The following ABCB4 variants were observed in gnomAD, a reference collection of about 807,000 sequenced individuals.
ABCB4 encodes the protein phosphatidylcholine translocator ABCB4.
Under a neutral mutation model 145.7 loss-of-function variants are expected in ABCB4, and 76 were observed. The observed-to-expected ratio is 0.52, with a 90% confidence interval of 0.43 to 0.63. The LOEUF (loss-of-function observed/expected upper bound fraction) is 0.63, where lower values mean the gene tolerates loss of function less well. Ranked by LOEUF, ABCB4 falls within the 30% of genes least tolerant of loss-of-function variation. The pLI is 0.00. For missense variants in ABCB4, 1,234 were observed against 1,553.1 expected (o/e 0.79, Z 3.45); for synonymous variants, 517 against 566.8 (o/e 0.91, Z 1.25).
intron 3 of ABCB4, among the ~76,000 whole-genome samples, chr7:87,471,350 A>T (rs959847108): frequency 3.3e-5 from 5 of 152,202 alleles, no homozygotes; most frequent in Non-Finnish European, 7.3e-5. Flanking sequence ...TGTACCCTAG[A>T]ACTTAAAGTA....
chr7:87,414,700 C>T (rs995988988), intron 21 of ABCB4, among the ~76,000 whole-genome samples: 3 of 152,154 alleles, frequency 2.0e-5, no homozygotes, highest in Admixed American at 6.5e-5. Context: ...CAGTTCTTAG[C>T]TTCTGCAATG....
chr7:87,403,234 ACCT>A lies in ABCB4; in HGVS notation c.3531_3533del (p.Gly1178del). ...GGGCAATAGCAATCCTCTGTTTTTG[ACCT>A]CCTGAGAGCTGAGTCCCCTTATCTC... On this transcript the variant is annotated inframe_deletion, in exon 27 of 28. Coordinates refer to ENST00000649586, the MANE Select transcript of ABCB4 (RefSeq NM_000443.4). The A allele has an allele frequency of 6.2e-7, 1 of 1,613,846 alleles. No homozygotes were observed. The highest frequency in any genetic ancestry group is 8.5e-7 in the Non-Finnish European group (1 of 1,179,912).
chr7:87,460,476 T>C (rs558031708), intron 4 of ABCB4, among the ~76,000 whole-genome samples: 2 of 152,210 alleles, frequency 1.3e-5, no homozygotes, highest in South Asian at 2.1e-4. Context: ...TGTCTATTGT[T>C]CTCATCTTTA....
chr7:87,451,656 A>C lies in ABCB4; in HGVS notation c.675T>G (p.Pro225=), dbSNP rs1239398137. 1.2e-6 allele frequency: 2 copies of C among 1,614,190 alleles called. No homozygotes were observed. The highest frequency in any genetic ancestry group is 1.7e-5 in the Admixed American group (1 of 60,016). The change falls in exon 7 of 28, where the codon CCT becomes CCG. Residue 225 remains proline (P), a synonymous_variant. Transcript: ENST00000649586. ...AAACGGCTGCAGAGAGTCCTAGAATAGGGCTGATGGCCATTATCACAAGGG... is the reference window on the plus strand; with the variant it reads ...AAACGGCTGCAGAGAGTCCTAGAATCGGGCTGATGGCCATTATCACAAGGG... ...KLTLVIMAIS[P]ILGLSAAVWA... is the part of the protein sequence containing the mutation.
At chr7:87,454,139 G>A (rs542894602) in intron 5 of ABCB4, among the ~76,000 whole-genome samples, 1 of 152,216 alleles carries the variant, frequency 6.6e-6, no homozygotes, top group East Asian at 1.9e-4. Context: ...GTTACAATCA[G>A]CAACACTGCT....
chr7:87,381,691 G>T, the ABCB4 span, among the ~76,000 whole-genome samples: 4 of 152,060 alleles, frequency 2.6e-5, no homozygotes, highest in African/African-American at 9.7e-5. Flanking sequence ...GCCCTACTAG[G>T]TGCTTCCAAA....
chr7:87,453,472 C>A (rs766567434), intron 5 of ABCB4, among the ~76,000 whole-genome samples: 17 of 152,092 alleles, frequency 1.1e-4, no homozygotes, highest in Admixed American at 2.0e-4. Flanking sequence ...CATGAGCCAC[C>A]ACCCCCACCC....
intron 25 of ABCB4, 122 bp from the exon 26 acceptor site, chr7:87,406,616 C>A (rs1463589398): frequency 9.8e-6 from 10 of 1,019,928 alleles, no homozygotes; most frequent in Non-Finnish European, 1.5e-5. Context: ...AAAACAACAA[C>A]CCTCCAAGAC....
chr7:87,382,648 C>T, the ABCB4 span: 1 of 1,162,938 alleles, frequency 8.6e-7, no homozygotes, highest in Non-Finnish European at 1.2e-6. Context: ...TCACTTTTTT[C>T]CCAGCTGGTA....
At position 87,408,232 on chromosome 7, in the gene ABCB4, A is replaced by G. The variant is rs768730681; in HGVS notation, c.3084T>C (p.Asp1028=). Residue 1028 remains aspartate, a splice_region_variant and synonymous_variant, in exon 25 of 28, where the codon GAT becomes GAC. Transcript: ENST00000649586. Reference sequence around the variant, plus strand: ...TAAATGTTATATTTCCTTCAAATTTATCCTGAATAAATGTTTAAATGTTGC... The same window carrying G: ...TAAATGTTATATTTCCTTCAAATTTGTCCTGAATAAATGTTTAAATGTTGC... ...DSYSEEGLKP[D]KFEGNITFNE... 6.2e-7 allele frequency: 1 copy of G among 1,613,664 alleles called. No individual in the cohort carries two copies. Among genetic ancestry groups the G allele is most frequent in the East Asian group, 2.2e-5 (1 of 44,842 alleles).
chr7:87,398,490 T>C (rs1286266717), downstream of ABCB4: 4 of 1,611,520 alleles, frequency 2.5e-6, no homozygotes, highest in Admixed American at 6.7e-5. Flanking sequence ...TGGAGCCTTT[T>C]GTGTAATCAT....
chr7:87,464,430 T>C (rs1812710274), intron 3 of ABCB4, among the ~76,000 whole-genome samples: 1 of 152,200 alleles, frequency 6.6e-6, no homozygotes, highest in Non-Finnish European at 1.5e-5. Context: ...GGGACCAGTG[T>C]CCCAAAGGTT....
At chr7:87,449,518 T>C (rs538091485) in intron 8 of ABCB4, among the ~76,000 whole-genome samples, 31 of 151,856 alleles carry the variant, frequency 2.0e-4, no homozygotes, top group African/African-American at 7.2e-4. Flanking sequence ...ACTGCACCCT[T>C]GACATTCTGG....
intron 4 of ABCB4, among the ~76,000 whole-genome samples, chr7:87,461,049 G>A (rs992209384): frequency 2.0e-5 from 3 of 152,006 alleles, no homozygotes; most frequent in Admixed American, 6.6e-5. Flanking sequence ...GGGTTCAAGC[G>A]ATTCCTCTGC....
At chr7:87,383,098 AC>A in the ABCB4 span, among the ~76,000 whole-genome samples, 1 of 152,158 alleles carries the variant, frequency 6.6e-6, no homozygotes. Context: ...ACCATTTATT[AC>A]GTCTTCGTGT....
intron 9 of ABCB4, among the ~76,000 whole-genome samples, chr7:87,446,805 A>G (rs1811373003): frequency 6.6e-6 from 1 of 152,218 alleles, no homozygotes; most frequent in Admixed American, 6.5e-5. Context: ...TACATTGTAT[A>G]TGTTTCACAA....
rs1383913386 is a variant in ABCB4 at position 87,453,076 on chromosome 7, A to G, written c.404T>C (p.Val135Ala). ...AGVLVAAYIQ[V>A]SFWTLAAGRQ... ...ACCAGCTGCCAAAGTCCAAAATGAA[A>G]CTTGTATATAGGCAGCAACAAGAAC... The change falls in exon 6 of 28, where the codon GTT (valine) becomes GCT (alanine). Residue 135 changes from valine (V) to alanine (A), a missense_variant. Physicochemically the swap from Val to Ala is moderately conservative, Grantham distance 64. Transcript: ENST00000649586. 2 of 1,614,084 alleles carry G rather than the reference A, an allele frequency of 1.2e-6. No individual in the cohort carries two copies. The highest frequency in any genetic ancestry group is 2.2e-5 in the East Asian group (1 of 44,874).
intron 4 of ABCB4, among the ~76,000 whole-genome samples, chr7:87,460,848 C>T (rs1264637650): frequency 2.6e-5 from 4 of 151,898 alleles, no homozygotes; most frequent in Middle Eastern, 3.2e-3. Context: ...ACTGAGGTGT[C>T]TTAATATGGG....
downstream of ABCB4, among the ~76,000 whole-genome samples, chr7:87,400,246 A>G (rs1410883918): frequency 6.6e-6 from 1 of 152,240 alleles, no homozygotes; most frequent in Non-Finnish European, 1.5e-5. Flanking sequence ...GATAAGAGAA[A>G]GTCACTTTGT....
Sources: allele counts gnomAD v4.1 joint callset (sites outside exome capture counted in the v4.1 genomes callset), GRCh38; gene constraint gnomAD v4.1.1; transcripts MANE v1.5; gene names NCBI Gene and HGNC (gene_info 2026-07-23, HGNC 2026-07-21).